The following MON1A variants were observed in gnomAD, a reference collection of about 807,000 sequenced individuals.
MON1A encodes vacuolar fusion protein MON1 homolog A.
In MON1A, 29 loss-of-function variants were observed where a neutral mutation model predicts 44.6. That is an observed-to-expected ratio of 0.65 (90% CI 0.48 to 0.89). The LOEUF (loss-of-function observed/expected upper bound fraction) is 0.89. Among genes scored for constraint, MON1A ranks in the 40% least tolerant of loss-of-function variants. The probability of loss-of-function intolerance (pLI) is 0.00; values close to 1 mark genes in which losing one functional copy is unlikely to be tolerated. For synonymous variants in MON1A, 275 were observed against 316.4 expected, an observed-to-expected ratio of 0.87 and a Z score of 1.39; for missense variants, 615 against 759.6, an observed-to-expected ratio of 0.81 and a Z score of 2.24.
chr3:49,916,863 G>A (rs975627805), intron 1 of MON1A: 1 of 152,372 alleles, frequency 6.6e-6, no homozygotes. Flanking sequence ...GATGCTGAAT[G>A]CCAAGGAAAC....
Position 49,909,053 on chromosome 3 carries a change from C to CT in MON1A, c.1628dup (p.Glu544GlyfsTer?), listed in dbSNP as rs775981288. ...GCGTGAGAATGAAGAGGCGGTCTTC[C>CT]TCTTTGCGGATCCAGCGCATCAGCT... On this transcript the variant is annotated frameshift_variant, in exon 6 of 6. Transcript: ENST00000296473. LOFTEE classifies it high-confidence loss of function. This position sits in a 1 kb window ranked among gnomAD's most constrained non-coding sequence, Gnocchi z 4.0. 1 of 1,613,908 alleles carries CT rather than the reference C, an allele frequency of 6.2e-7. No homozygotes were observed.
chr3:49,916,570 A>AC (rs2082946329), intron 1 of MON1A: 1 of 152,340 alleles, frequency 6.6e-6, no homozygotes, highest in African/African-American at 2.4e-5. Context: ...CAACAGCATC[A>AC]CCCCACACAG....
intron 2 of MON1A, 100 bp downstream of exon 2, chr3:49,913,120 A>G (rs1297285175): frequency 2.0e-6 from 3 of 1,497,378 alleles, no homozygotes; most frequent in Non-Finnish European, 2.8e-6. Flanking sequence ...TGACTGACAA[A>G]TGCATGAATA....
chr3:49,916,097 A>T (rs951479249), intron 1 of MON1A: 2 of 152,270 alleles, frequency 1.3e-5, no homozygotes, highest in Non-Finnish European at 2.9e-5. Flanking sequence ...TAGTGTGAGC[A>T]AAGTAGACCT....
intron 1 of MON1A, among the ~76,000 whole-genome samples, chr3:49,913,663 T>TC (rs1213453467): frequency 8.4e-6 from 1 of 118,386 alleles, no homozygotes; most frequent in Non-Finnish European, 1.8e-5. Context: ...TTCTAGTATT[T>TC]TTTTTTTTTT....
At position 49,909,334 on chromosome 3, in the gene MON1A, G is replaced by T. The variant is rs1426520293; in HGVS notation, c.1446C>A (p.Tyr482Ter). ...AGGCATTGTGGGCACGACTGTGCAA[G>T]TACTGGTAGAGGCCCAGCAGCCGCT... ...EQERLLGLYQ[Y>*]LHSRAHNASR... Residue 482 changes from tyrosine to a stop codon, truncating the protein, a stop_gained, in exon 5 of 6, where the codon TAC becomes TAA. Transcript: ENST00000296473. LOFTEE classifies it high-confidence loss of function. The surrounding 1 kb of genome is among the most constrained non-coding windows in gnomAD (Gnocchi z 4.0). 1 of 1,613,964 alleles carries T rather than the reference G, an allele frequency of 6.2e-7. No individual in the cohort carries two copies.
chr3:49,911,694 C>T lies in MON1A; in HGVS notation c.445G>A (p.Glu149Lys). The T allele has an allele frequency of 6.2e-7, 1 of 1,614,144 alleles. No homozygotes were observed. The highest frequency in any genetic ancestry group is 1.1e-5 in the South Asian group (1 of 91,086). ...TTEGDEEDAT[E>K]AWRLHQKHVF... Reference sequence around the variant, plus strand: ...TGCTTCTGGTGCAGGCGCCATGCCTCCGTGGCATCCTCCTCATCCCCCTCG... The same window carrying T: ...TGCTTCTGGTGCAGGCGCCATGCCTTCGTGGCATCCTCCTCATCCCCCTCG... The change falls in exon 3 of 6, where the codon GAG (glutamate) becomes AAG (lysine). Residue 149 changes from glutamate (E) to lysine (K), a missense_variant. Physicochemically the swap from Glu to Lys is moderately conservative, Grantham distance 56. Coordinates refer to ENST00000296473, the MANE Select transcript of MON1A (RefSeq NM_032355.4). This position sits in a 1 kb window ranked among gnomAD's most constrained non-coding sequence, Gnocchi z 5.7.
chr3:49,924,931 G>C (rs2083041037), intron 1 of MON1A, among the ~76,000 whole-genome samples: 1 of 152,164 alleles, frequency 6.6e-6, no homozygotes, highest in Non-Finnish European at 1.5e-5. Flanking sequence ...CAAACCTTCA[G>C]ATGACTTCAA....
intron 1 of MON1A, among the ~76,000 whole-genome samples, chr3:49,928,137 G>T (rs1214607119): frequency 6.6e-6 from 1 of 152,180 alleles, no homozygotes; most frequent in African/African-American, 2.4e-5. Context: ...GGCCAGATCA[G>T]CTGGCCAGAG....
chr3:49,918,826 C>T (rs1018640305), intron 1 of MON1A, among the ~76,000 whole-genome samples: 2 of 152,178 alleles, frequency 1.3e-5, no homozygotes, highest in African/African-American at 4.8e-5. Context: ...GCAGCTGTCC[C>T]TCCTCATCAG....
chr3:49,910,399 C>G lies in MON1A; in HGVS notation c.1099G>C (p.Val367Leu). The change falls in exon 4 of 6, where the codon GTG (valine) becomes CTG (leucine). Residue 367 changes from valine (V) to leucine (L), a missense_variant. Coordinates refer to ENST00000296473, the MANE Select transcript of MON1A (RefSeq NM_032355.4). The surrounding 1 kb of genome is among the most constrained non-coding windows in gnomAD (Gnocchi z 8.0). ...SFREGEAWTP[V>L]CLPKFNAAGF... The stretch of plus-strand genomic sequence containing the variant: ...GCTGCGTTGAATTTGGGCAGGCACA[C>G]GGGCGTCCAGGCCTCGCCCTCGCGA... The G allele has an allele frequency of 6.2e-7, 1 of 1,614,186 alleles. No homozygotes were observed. Among genetic ancestry groups the G allele is most frequent in the Non-Finnish European group, 8.5e-7 (1 of 1,180,036 alleles).
At chr3:49,914,406 C>T (rs2082924945) in intron 1 of MON1A, among the ~76,000 whole-genome samples, 1 of 151,702 alleles carries the variant, frequency 6.6e-6, no homozygotes, top group Admixed American at 6.6e-5. Context: ...ACAGGTCTGG[C>T]TCTCTTGCCC....
At chr3:49,912,958 A>C (rs1378090716) in intron 2 of MON1A, 1 of 589,308 alleles carries the variant, frequency 1.7e-6, no homozygotes, top group Non-Finnish European at 3.1e-6. Context: ...GGAGCCGGGG[A>C]GGTGCGCTGT....
chr3:49,915,564 TTAAC>T (rs1448018644), intron 1 of MON1A, among the ~76,000 whole-genome samples: 5 of 152,134 alleles, frequency 3.3e-5, no homozygotes, highest in African/African-American at 9.7e-5. Context: ...AAAATAAAAA[TTAAC>T]TAAGTTGACC....
Position 49,913,303 on chromosome 3 carries a change from T to C in MON1A, c.44A>G (p.Asp15Gly), listed in dbSNP as rs751135895. Reference sequence around the variant, plus strand: ...TCCATCAGAAGGAGTCAATGTGCCATCAAGGCATTCGCTGCTTCTCTTCCT... The same window carrying C: ...TCCATCAGAAGGAGTCAATGTGCCACCAAGGCATTCGCTGCTTCTCTTCCT... ...MQRKRSSECL[D>G]GTLTPSDGQS... The change falls in exon 2 of 6, where the codon GAT becomes GGT. Residue 15 changes from aspartate (D) to glycine (G), a missense_variant. By Grantham distance (94) the Asp-to-Gly change is moderately conservative. Coordinates refer to ENST00000296473, the MANE Select transcript of MON1A (RefSeq NM_032355.4). 6.2e-7 allele frequency: 1 copy of C among 1,613,954 alleles called. No individual in the cohort carries two copies. Among genetic ancestry groups the C allele is most frequent in the Non-Finnish European group, 8.5e-7 (1 of 1,179,848 alleles).
chr3:49,923,701 T>C (rs1273528713), intron 1 of MON1A, among the ~76,000 whole-genome samples: 1 of 150,914 alleles, frequency 6.6e-6, no homozygotes, highest in Non-Finnish European at 1.5e-5. Context: ...TCTGCCCACC[T>C]TGGCCTCCCA....
chr3:49,910,802 C>T lies in MON1A; in HGVS notation c.696G>A (p.Leu232=). ...VARTRQSAQE[L]AQELLYIYYQ... Reference sequence around the variant, plus strand: ...AGTAGATGTAGAGCAGCTCCTGCGCCAGCTCTTGTGCCGACTGCCGCGTAC... The same window carrying T: ...AGTAGATGTAGAGCAGCTCCTGCGCTAGCTCTTGTGCCGACTGCCGCGTAC... Residue 232 remains leucine (L), a synonymous_variant, in exon 4 of 6, where the codon CTG becomes CTA. Transcript: ENST00000296473. This position sits in a 1 kb window ranked among gnomAD's most constrained non-coding sequence, Gnocchi z 8.0. The T allele has an allele frequency of 6.2e-7, 1 of 1,613,834 alleles. No individual in the cohort carries two copies. The highest frequency in any genetic ancestry group is 8.5e-7 in the Non-Finnish European group (1 of 1,179,988).
intron 1 of MON1A, among the ~76,000 whole-genome samples, chr3:49,923,319 G>A (rs1575479827): frequency 7.8e-6 from 1 of 128,240 alleles, no homozygotes; most frequent in South Asian, 3.1e-4. Flanking sequence ...GTGACACAGC[G>A]AGACTCTGGG....
In MON1A at chr3:49,911,528, G is replaced by C. The variant is rs761175946; in HGVS notation, c.611C>G (p.Ala204Gly). The change falls in exon 3 of 6, where the codon GCA becomes GGA. Residue 204 changes from alanine to glycine, a missense_variant and splice_region_variant. Physicochemically the swap from Ala to Gly is moderately conservative, Grantham distance 60. Transcript: ENST00000296473. The surrounding 1 kb of genome is among the most constrained non-coding windows in gnomAD (Gnocchi z 5.7). ...CATTCCCTCTCCAGGTGGCTCACCT[G>C]CATGGATGGAGCGGATGGCGTTCTT... is the stretch of plus-strand genomic sequence containing the variant. ...ADKNAIRSIH[A>G]DGYKVVFVRR... is the part of the protein sequence containing the mutation. The C allele has an allele frequency of 6.2e-7, 1 of 1,606,704 alleles. No homozygotes were observed. Among genetic ancestry groups the C allele is most frequent in the African/African-American group, 1.3e-5 (1 of 74,844 alleles).
Sources: gnomAD v4.1 joint callset for allele counts (sites outside exome capture counted in the v4.1 genomes callset) on GRCh38, gnomAD v4.1.1 for gene constraint, Gnocchi (gnomAD v3.1) non-coding constraint, MANE v1.5 for transcripts, NCBI Gene and HGNC (gene_info 2026-07-23, HGNC 2026-07-21) for gene names.